The following ACACA variants were observed in gnomAD, a reference collection of about 807,000 sequenced individuals.
The protein encoded by ACACA is acetyl-CoA carboxylase 1.
ACACA carries 103 observed loss-of-function variants against 296.1 expected under a neutral mutation model. The observed-to-expected ratio is 0.35, with a 90% CI of 0.30 to 0.41. The LOEUF (loss-of-function observed/expected upper bound fraction) is 0.41. Among genes scored for constraint, ACACA ranks in the 10% least tolerant of loss-of-function variants. The probability of loss-of-function intolerance (pLI) is 1.00; values close to 1 mark genes in which losing one functional copy is unlikely to be tolerated. For synonymous variants in ACACA, 953 were observed against 1,038.6 expected (o/e 0.92, Z 1.58); for missense variants, 1,554 against 2,989.7 (o/e 0.52, Z 11.20).
chr17:37,158,556 G>C (rs1305054460), intron 42 of ACACA, among the ~76,000 whole-genome samples: 3 of 152,024 alleles, frequency 2.0e-5, no homozygotes. Context: ...CTTCAACCCA[G>C]GAGGCAGAGG....
Position 37,235,005 on chromosome 17 carries a change from G to C in ACACA, c.3216C>G (p.Thr1072=). Residue 1072 remains threonine (T), a synonymous_variant, in exon 25 of 56, where the codon ACC becomes ACG. Coordinates refer to ENST00000616317, the MANE Select transcript of ACACA (RefSeq NM_198834.3). The part of the protein sequence containing the change: ...LNYIFSHAQV[T]KKNLLVTMLI... ...GCATTGTGACCAGAAGATTCTTCTT[G>C]GTGACTTGAGCGTGAGAGAAGATGT... is the stretch of plus-strand genomic sequence containing the variant. 6.2e-7 allele frequency: 1 copy of C among 1,613,564 alleles called. No individual in the cohort carries two copies.
At chr17:37,230,739 G>A (rs1178237859) in intron 25 of ACACA, among the ~76,000 whole-genome samples, 3 of 152,176 alleles carry the variant, frequency 2.0e-5, no homozygotes, top group Non-Finnish European at 4.4e-5. Flanking sequence ...TGGGCAACTG[G>A]ACAAACAAAC....
chr17:37,258,062 G>A, intron 13 of ACACA, 150 bp downstream of exon 13: 2 of 1,154,360 alleles, frequency 1.7e-6, no homozygotes, highest in South Asian at 2.9e-5. Context: ...AACCAATGAA[G>A]CAACAACCAT....
At chr17:37,397,304 C>A (rs2051114525) in intron 1 of ACACA, among the ~76,000 whole-genome samples, 1 of 151,896 alleles carries the variant, frequency 6.6e-6, no homozygotes, top group Non-Finnish European at 1.5e-5. Context: ...CTTATATGTA[C>A]TTACTGGTTC....
At chr17:37,174,006 A>ATT (rs1176236554) in intron 41 of ACACA, among the ~76,000 whole-genome samples, 1 of 12,234 alleles carries the variant, frequency 8.2e-5, no homozygotes, top group African/African-American at 5.6e-4. Flanking sequence ...ATATATATAT[A>ATT]TATATATATA....
chr17:37,157,814 G>A (rs1007348340), intron 42 of ACACA, among the ~76,000 whole-genome samples: 1 of 151,974 alleles, frequency 6.6e-6, no homozygotes, highest in Admixed American at 6.5e-5. Flanking sequence ...TGGGATTACA[G>A]GCATGAGCAT....
At chr17:37,240,611 T>C (rs746442250) in intron 23 of ACACA, 47 bp from the exon 24 acceptor site, 5 of 1,533,000 alleles carry the variant, frequency 3.3e-6, no homozygotes, top group African/African-American at 1.4e-5. Flanking sequence ...AATCCAACAC[T>C]ATTAAGCAAT....
intron 48 of ACACA, among the ~76,000 whole-genome samples, chr17:37,124,083 T>C (rs571324210): frequency 2.0e-5 from 3 of 152,330 alleles, no homozygotes; most frequent in African/African-American, 7.2e-5. Flanking sequence ...CAAACATACA[T>C]ACCAAAGATG....
At chr17:37,123,932 C>T (rs2074647761) in intron 48 of ACACA, among the ~76,000 whole-genome samples, 1 of 152,126 alleles carries the variant, frequency 6.6e-6, no homozygotes, top group Non-Finnish European at 1.5e-5. Context: ...CAGCTCAGAA[C>T]AACTTCTGTT....
chr17:37,405,049 T>C (rs2051424720), intron 1 of ACACA, among the ~76,000 whole-genome samples: 1 of 152,194 alleles, frequency 6.6e-6, no homozygotes, highest in Non-Finnish European at 1.5e-5. Context: ...CCTTTCTCCA[T>C]GCCAAACAAA....
intron 29 of ACACA, among the ~76,000 whole-genome samples, chr17:37,217,053 G>A (rs927108778): frequency 3.3e-5 from 5 of 151,634 alleles, no homozygotes; most frequent in Admixed American, 3.3e-4. Flanking sequence ...ACCTGAGTTA[G>A]GGTGTTGGAG....
intron 3 of ACACA, among the ~76,000 whole-genome samples, chr17:37,291,339 G>A (rs968385174): frequency 6.6e-6 from 1 of 151,796 alleles, no homozygotes; most frequent in Non-Finnish European, 1.5e-5. Flanking sequence ...ACCATGCCCG[G>A]CTAATTTTGT....
chr17:37,290,025 GCA>G, intron 3 of ACACA, among the ~76,000 whole-genome samples: 1 of 151,990 alleles, frequency 6.6e-6, no homozygotes. Context: ...AGGGTACCTG[GCA>G]CAGATAGAAG....
At chr17:37,133,895 T>C (rs934183097) in intron 45 of ACACA, among the ~76,000 whole-genome samples, 3 of 152,198 alleles carry the variant, frequency 2.0e-5, no homozygotes, top group South Asian at 2.1e-4. Flanking sequence ...GGGCTCCACC[T>C]TGGGGTCCTC....
chr17:37,184,572 G>A (rs1164031736), intron 39 of ACACA, among the ~76,000 whole-genome samples: 1 of 152,146 alleles, frequency 6.6e-6, no homozygotes, highest in Non-Finnish European at 1.5e-5. Flanking sequence ...AAATGGGGCT[G>A]GGCATGGCAG....
chr17:37,196,833 A>C (rs2078024019), intron 35 of ACACA, among the ~76,000 whole-genome samples: 1 of 152,058 alleles, frequency 6.6e-6, no homozygotes, highest in Non-Finnish European at 1.5e-5. Context: ...TCTTTTTTTT[A>C]ACATCTTGTC....
chr17:37,151,200 G>T, intron 44 of ACACA, 101 bp downstream of exon 44: 1 of 1,340,060 alleles, frequency 7.5e-7, no homozygotes, highest in Middle Eastern at 1.8e-4. Context: ...CAATCTTCAA[G>T]AAATGCTCTC....
intron 3 of ACACA, among the ~76,000 whole-genome samples, chr17:37,285,767 C>T (rs2082738069): frequency 1.3e-5 from 2 of 151,974 alleles, no homozygotes; most frequent in African/African-American, 4.8e-5. Flanking sequence ...GTGGTTGAGG[C>T]TGCAGTAAGT....
At chr17:37,398,378 C>T (rs1473206677) in intron 1 of ACACA, among the ~76,000 whole-genome samples, 2 of 143,232 alleles carry the variant, frequency 1.4e-5, no homozygotes, top group African/African-American at 5.2e-5. Context: ...TCTCCGCCTC[C>T]TGGGTTCAAG....
Sources: allele counts gnomAD v4.1 joint callset (sites outside exome capture counted in the v4.1 genomes callset), GRCh38; gene constraint gnomAD v4.1.1; transcripts MANE v1.5; gene names NCBI Gene and HGNC (gene_info 2026-07-23, HGNC 2026-07-21).